MYO16: variants seen among roughly 807,000 people sequenced by gnomAD.
The protein encoded by MYO16 is myosin XVI.
A neutral mutation model predicts 205.3 loss-of-function variants in MYO16; 94 were observed. That is an observed-to-expected ratio of 0.46 (90% CI 0.39 to 0.54). The LOEUF (loss-of-function observed/expected upper bound fraction) is 0.54, where lower values mean the gene tolerates loss of function less well. MYO16 is among the 20% of genes least tolerant of loss of function. The pLI is 0.00. For missense variants in MYO16, 2,315 were observed against 2,387.5 expected (o/e 0.97, Z 0.63); for synonymous variants, 988 against 954.0 (o/e 1.04, Z -0.66).
chr13:109,060,494 G>C (rs191730383), intron 27 of MYO16, among the ~76,000 whole-genome samples: 1 of 151,962 alleles, frequency 6.6e-6, no homozygotes, highest in Non-Finnish European at 1.5e-5. Flanking sequence ...GGGGCTGGGG[G>C]GCAAGGGGAC....
Position 108,962,495 on chromosome 13 carries a change from G to C in MYO16, c.2227G>C (p.Gly743Arg). 6.4e-7 allele frequency: 1 copy of C among 1,569,214 alleles called. No individual in the cohort carries two copies. Among genetic ancestry groups the C allele is most frequent in the Non-Finnish European group, 8.6e-7 (1 of 1,160,008 alleles). Residue 743 changes from glycine (G) to arginine (R), a missense_variant and splice_region_variant, in exon 19 of 35, where the codon GGG becomes CGG. Physicochemically the swap from Gly to Arg is moderately radical, Grantham distance 125. This residue lies in a region of MYO16 where 1,213 missense variants were observed against 1,274.4 expected (regional missense o/e 0.95). Transcript: ENST00000457511. ...ALTTDIQYFK[G>R]DMIIRRHTIQ... is the part of the protein sequence containing the mutation. Reference sequence around the variant, plus strand: ...AACAACTGATATTCAATATTTTAAAGGTAATTTTTTTATGCTCTAACATCT... The same window carrying C: ...AACAACTGATATTCAATATTTTAAACGTAATTTTTTTATGCTCTAACATCT...
intron 4 of MYO16, among the ~76,000 whole-genome samples, chr13:108,753,383 A>AAAACAAAAAAC (rs1885313598): frequency 1.4e-5 from 2 of 147,726 alleles, no homozygotes; most frequent in African/African-American, 5.3e-5. Flanking sequence ...AAAAAAAAAA[A>AAAACAAAAAAC]AAAAAAAAAA....
At chr13:109,079,671 C>T (rs1401790572) in intron 27 of MYO16, among the ~76,000 whole-genome samples, 7 of 152,122 alleles carry the variant, frequency 4.6e-5, no homozygotes, top group Admixed American at 2.6e-4. Flanking sequence ...ATCTGAGGGA[C>T]AGGATCCATA....
rs191185455 is a variant in MYO16, at chr13:108,883,903, A to T, written c.1553+717A>T. ...GCCTCTCAAAGTGCTGGGATTACAG[A>T]CATGGGCCACTGCATTTGGCCCAGA... On this transcript the variant is annotated intron_variant, in intron 13 of 34. Transcript: ENST00000457511. Among the ~76,000 whole-genome samples, 111 of 152,308 alleles carry T rather than the reference A, an allele frequency of 7.3e-4. 1 individual carries two copies. The highest frequency in any genetic ancestry group is 2.3e-3 in the African/African-American group (96 of 41,574).
At chr13:108,809,571 C>G (rs1422217760) in intron 7 of MYO16, among the ~76,000 whole-genome samples, 1 of 152,032 alleles carries the variant, frequency 6.6e-6, no homozygotes, top group Admixed American at 6.6e-5. Flanking sequence ...ATGCTTCGGG[C>G]GGGCAGCAGA....
At chr13:109,122,729 A>G (rs912843352) in intron 29 of MYO16, among the ~76,000 whole-genome samples, 2 of 152,104 alleles carry the variant, frequency 1.3e-5, no homozygotes, top group Admixed American at 6.5e-5. Context: ...ACATCAAGAT[A>G]GAAACCATAA....
intron 14 of MYO16, among the ~76,000 whole-genome samples, chr13:108,890,992 C>T (rs1450232388): frequency 6.6e-6 from 1 of 152,154 alleles, no homozygotes; most frequent in Non-Finnish European, 1.5e-5. Flanking sequence ...CAAAGGGCTA[C>T]CCAGTGCCTG....
chr13:109,057,598 G>A (rs67901175), intron 27 of MYO16, among the ~76,000 whole-genome samples: 9,219 of 152,088 alleles, frequency 0.061, 335 homozygotes, highest in Non-Finnish European at 0.086. Context: ...GTCCCTCGGT[G>A]GATATCCCTT....
Position 108,964,763 on chromosome 13 carries a change from G to A in MYO16, c.2230G>A (p.Asp744Asn). The A allele has an allele frequency of 6.2e-7, 1 of 1,613,908 alleles. No homozygotes were observed. The highest frequency in any genetic ancestry group is 1.7e-5 in the Admixed American group (1 of 59,990). Residue 744 changes from aspartate (D) to asparagine (N), a missense_variant and splice_region_variant, in exon 20 of 35, where the codon GAT becomes AAT. By Grantham distance (23) the Asp-to-Asn change is conservative. Transcript: ENST00000457511. ...LTTDIQYFKGDMIIRRHTIQI... is the reference protein window; with the variant it reads ...LTTDIQYFKGNMIIRRHTIQI... ...TCCTTTTCTTTCTACCATTTTAGGG[G>A]ATATGATAATACGACGACATACCAT...
In MYO16 at chr13:109,038,773, A is replaced by G. The variant is rs937757748; in HGVS notation, c.2797-8143A>G. Among the ~76,000 whole-genome samples, 3 of 152,148 alleles carry G rather than the reference A, an allele frequency of 2.0e-5. No homozygotes were observed. The South Asian group carries it at 6.2e-4, about 32-fold the overall frequency. ...GTTATATTTTTTAAATCAAAATTTT[A>G]AAGAATCTTTTTAGTTATATTTATT... On this transcript the variant is annotated intron_variant, in intron 23 of 34. Coordinates refer to ENST00000457511, the MANE Select transcript of MYO16 (RefSeq NM_001198950.3).
chr13:108,720,749 A>G (rs1195552741), intron 3 of MYO16, among the ~76,000 whole-genome samples: 1 of 152,224 alleles, frequency 6.6e-6, no homozygotes, highest in Non-Finnish European at 1.5e-5. Flanking sequence ...GCATTGTAAA[A>G]CATGTAGACT....
chr13:108,641,674 G>C (rs1880509281), intron 1 of MYO16, among the ~76,000 whole-genome samples: 1 of 152,158 alleles, frequency 6.6e-6, no homozygotes, highest in Non-Finnish European at 1.5e-5. Flanking sequence ...TATCTTTGGA[G>C]AACCGAGTTG....
chr13:108,525,634 A>C, the MYO16 span, among the ~76,000 whole-genome samples: 1 of 152,176 alleles, frequency 6.6e-6, no homozygotes, highest in East Asian at 1.9e-4. Flanking sequence ...GATAGCACCA[A>C]CTCCATAATC....
At chr13:108,760,965 G>A in intron 4 of MYO16, among the ~76,000 whole-genome samples, 1 of 152,110 alleles carries the variant, frequency 6.6e-6, no homozygotes, top group East Asian at 1.9e-4. Flanking sequence ...CTAATATAAT[G>A]ACCTGTATTT....
chr13:109,150,941 C>T (rs1203784719), intron 32 of MYO16, among the ~76,000 whole-genome samples: 8 of 152,160 alleles, frequency 5.3e-5, no homozygotes, highest in Non-Finnish European at 4.4e-5. Flanking sequence ...TCATTATTGC[C>T]ACATAATACA....
At chr13:108,842,023 A>T (rs913045702) in intron 9 of MYO16, among the ~76,000 whole-genome samples, 1 of 152,140 alleles carries the variant, frequency 6.6e-6, no homozygotes, top group Non-Finnish European at 1.5e-5. Flanking sequence ...ATATTCACAT[A>T]CAAAAGAATG....
the MYO16 span, among the ~76,000 whole-genome samples, chr13:108,521,964 G>T: frequency 6.6e-6 from 1 of 152,108 alleles, no homozygotes; most frequent in Non-Finnish European, 1.5e-5. Flanking sequence ...TGAATTTGTT[G>T]ACTTTGCATT....
At chr13:109,073,189 C>G (rs1887980567) in intron 27 of MYO16, among the ~76,000 whole-genome samples, 2 of 151,778 alleles carry the variant, frequency 1.3e-5, no homozygotes, top group African/African-American at 2.4e-5. Flanking sequence ...GGAACCTCCT[C>G]CTCCTGGGTT....
At position 108,665,907 on chromosome 13, in the gene MYO16, T is replaced by C. The variant is rs1007419287; in HGVS notation, c.50T>C (p.Val17Ala). ...IKCCCFQLCN[V>A]FRSHEMEIDQ... is the part of the protein sequence containing the mutation. ...CCAGGTTGCTTTCAGCTATGTAACG[T>C]TTTTCGATCCCATGAGATGGAAATC... Residue 17 changes from valine (V) to alanine (A), a missense_variant, in exon 2 of 35, where the codon GTT becomes GCT. Coordinates refer to ENST00000457511, the MANE Select transcript of MYO16 (RefSeq NM_001198950.3). 9 of 1,613,734 alleles carry C rather than the reference T, an allele frequency of 5.6e-6. No homozygotes were observed. Among genetic ancestry groups the C allele is most frequent in the Admixed American group, 5.0e-5 (3 of 59,972 alleles).
Sources: gnomAD v4.1 joint callset for allele counts (sites outside exome capture counted in the v4.1 genomes callset) on GRCh38, gnomAD v4.1.1 for gene constraint, gnomAD v4.1.1 regional missense constraint, MANE v1.5 for transcripts, NCBI Gene and HGNC (gene_info 2026-07-23, HGNC 2026-07-21) for gene names.